Variants in TDRD12 observed in about 807,000 individuals in gnomAD.
TDRD12 encodes the protein tudor domain containing 12.
TDRD12 carries 158 observed loss-of-function variants against 133.5 expected under a neutral mutation model. The observed-to-expected ratio is 1.18, with a 90% CI of 1.04 to 1.35. The LOEUF is 1.35. Among genes scored for constraint, TDRD12 ranks in the 40% most tolerant of loss-of-function variants. TDRD12 has a pLI of 0.00. For synonymous variants in TDRD12, 460 were observed against 477.9 expected, an observed-to-expected ratio of 0.96 and a Z score of 0.49; for missense variants, 1,443 against 1,321.3, an observed-to-expected ratio of 1.09 and a Z score of -1.43.
chr19:32,737,674 C>T (rs2145457057), intron 2 of TDRD12, among the ~76,000 whole-genome samples: 1 of 152,288 alleles, frequency 6.6e-6, no homozygotes, highest in Non-Finnish European at 1.5e-5. Context: ...AGACTACAGG[C>T]ACGTACCACC....
In TDRD12 at chr19:32,801,880, G is replaced by A; in HGVS notation, c.2197+7G>A. 4 of 1,118,070 alleles carry A rather than the reference G, an allele frequency of 3.6e-6. No homozygotes were observed. The highest frequency in any genetic ancestry group is 5.0e-6 in the Non-Finnish European group (4 of 801,678). The allele number at this position is 1,118,070 out of a possible 1,614,324, so 69.3% of individuals were successfully genotyped here. On this transcript the variant is annotated splice_region_variant and intron_variant, in intron 19 of 27. Transcript: ENST00000444215. Reference sequence around the variant, plus strand: ...GGCTCTCAAATTATATTAGGTAAGTGTTTTAATTTCTACTTCTATTTAGTG... The same window carrying A: ...GGCTCTCAAATTATATTAGGTAAGTATTTTAATTTCTACTTCTATTTAGTG...
chr19:32,742,846 G>T, exon 4 of TDRD12: 1 of 1,551,772 alleles, frequency 6.4e-7, no homozygotes, highest in Non-Finnish European at 8.7e-7. Context: ...AGCCTGTACT[G>T]CACAAAGCCT....
At chr19:32,724,276 T>C (rs1354821423) in intron 1 of TDRD12, among the ~76,000 whole-genome samples, 1 of 152,234 alleles carries the variant, frequency 6.6e-6, no homozygotes, top group Non-Finnish European at 1.5e-5. Flanking sequence ...TGCAGGTTTG[T>C]TACATAGATA....
At chr19:32,731,386 C>G (rs1487966846) in intron 1 of TDRD12, among the ~76,000 whole-genome samples, 1 of 151,848 alleles carries the variant, frequency 6.6e-6, no homozygotes, top group Non-Finnish European at 1.5e-5. Flanking sequence ...GAGACACCAT[C>G]TCTATTTTTT....
intron 3 of TDRD12, among the ~76,000 whole-genome samples, chr19:32,742,384 T>C (rs7248155): frequency 0.58 from 88,836 of 151,894 alleles, 26,823 homozygotes; most frequent in East Asian, 0.82. Flanking sequence ...TGATCTTGAA[T>C]TCCTGACCTC....
In TDRD12 at chr19:32,722,982, C is replaced by G. The variant is rs118176820; in HGVS notation, c.24+2886C>G. On this transcript the variant is annotated intron_variant, in intron 1 of 27. Coordinates refer to ENST00000444215, the Ensembl canonical transcript of TDRD12. ...GGCAAGAACTGCTGCACCTGGCCCC[C>G]CCATGTAACCTTTTAGAAGTTTTAT... Among the ~76,000 whole-genome samples, 59 of 152,028 alleles carry G rather than the reference C, an allele frequency of 3.9e-4. No homozygotes were observed. In the East Asian group the frequency reaches 0.011, roughly 28 times the overall value.
At chr19:32,763,098 C>T (rs1970196962) in intron 8 of TDRD12, among the ~76,000 whole-genome samples, 1 of 152,154 alleles carries the variant, frequency 6.6e-6, no homozygotes, top group Non-Finnish European at 1.5e-5. Context: ...AGACCACCAT[C>T]GTATATGTGG....
chr19:32,772,252 C>T (rs998224848), intron 8 of TDRD12, among the ~76,000 whole-genome samples: 1 of 152,180 alleles, frequency 6.6e-6, no homozygotes, highest in Non-Finnish European at 1.5e-5. Context: ...TTCCCCACAG[C>T]GTCATGGCTG....
downstream of TDRD12, among the ~76,000 whole-genome samples, chr19:32,825,175 G>T (rs1385653925): frequency 6.6e-6 from 1 of 152,210 alleles, no homozygotes; most frequent in Non-Finnish European, 1.5e-5. This position sits in a 1 kb window ranked among gnomAD's most constrained non-coding sequence, Gnocchi z 4.1. Context: ...CCACTCGATG[G>T]CAGGCGGCAT....
At chr19:32,745,090 G>A (rs1367898180) in intron 4 of TDRD12, among the ~76,000 whole-genome samples, 1 of 152,184 alleles carries the variant, frequency 6.6e-6, no homozygotes, top group Non-Finnish European at 1.5e-5. Flanking sequence ...ACTACTCACC[G>A]AAGGCTCTGG....
chr19:32,759,240 G>C (rs909080086), intron 8 of TDRD12, among the ~76,000 whole-genome samples: 2 of 152,152 alleles, frequency 1.3e-5, no homozygotes, highest in Middle Eastern at 3.2e-3. Context: ...ACACAGTGTA[G>C]AGAGAACAGG....
chr19:32,771,230 G>C (rs1970435019), intron 8 of TDRD12, among the ~76,000 whole-genome samples: 3 of 152,178 alleles, frequency 2.0e-5, no homozygotes, highest in Admixed American at 2.0e-4. Context: ...GAGTGCAGTG[G>C]CACAGTCTCA....
At chr19:32,762,489 T>A (rs1336883027) in intron 8 of TDRD12, among the ~76,000 whole-genome samples, 1 of 152,214 alleles carries the variant, frequency 6.6e-6, no homozygotes, top group East Asian at 1.9e-4. Flanking sequence ...AGGAAGCTCA[T>A]TGACGCTAGA....
intron 8 of TDRD12, among the ~76,000 whole-genome samples, chr19:32,759,830 G>A (rs1970101526): frequency 6.6e-6 from 1 of 152,168 alleles, no homozygotes; most frequent in African/African-American, 2.4e-5. Flanking sequence ...AGACTGCCAG[G>A]GTGTCAGGCC....
downstream of TDRD12, chr19:32,821,367 AGAGTGTGT>A: frequency 2.1e-6 from 1 of 486,150 alleles, no homozygotes; most frequent in Non-Finnish European, 3.6e-6. Flanking sequence ...ACAGCTCAGC[AGAGTGTGT>A]GTGTGTGTGT....
chr19:32,815,359 T>G, intron 25 of TDRD12, 89 bp from the exon 26 acceptor site: 1 of 1,138,196 alleles, frequency 8.8e-7, no homozygotes, highest in Non-Finnish European at 1.2e-6. Flanking sequence ...GCAGGCTGAA[T>G]GAACCAGAGA....
chr19:32,724,167 T>A (rs1404480694), intron 1 of TDRD12, among the ~76,000 whole-genome samples: 5 of 152,218 alleles, frequency 3.3e-5, no homozygotes, highest in Admixed American at 3.3e-4. Flanking sequence ...AGCCTTTTTG[T>A]AATTTTAAAT....
intron 4 of TDRD12, among the ~76,000 whole-genome samples, chr19:32,746,903 A>G (rs1393973785): frequency 6.9e-6 from 1 of 144,694 alleles, no homozygotes; most frequent in African/African-American, 2.6e-5. Context: ...AGAGAGAGAG[A>G]GAGAGGGAGA....
At chr19:32,769,118 TC>T (rs1181349126) in intron 8 of TDRD12, among the ~76,000 whole-genome samples, 2 of 152,220 alleles carry the variant, frequency 1.3e-5, no homozygotes, top group East Asian at 3.8e-4. Context: ...CTTTTCATTT[TC>T]TTAATGGTAT....
Sources: gnomAD v4.1 joint callset for allele counts (sites outside exome capture counted in the v4.1 genomes callset) on GRCh38, gnomAD v4.1.1 for gene constraint, Gnocchi (gnomAD v3.1) non-coding constraint, MANE v1.5 for transcripts, NCBI Gene and HGNC (gene_info 2026-07-23, HGNC 2026-07-21) for gene names.